The following MACROD2 variants were observed in gnomAD, a reference collection of about 807,000 sequenced individuals.
MACROD2 encodes mono-ADP ribosylhydrolase 2, also known as ADP-ribose glycohydrolase MACROD2.
Under a neutral mutation model 70.4 loss-of-function variants are expected in MACROD2, and 36 were observed. The observed-to-expected ratio is 0.51, with a 90% CI of 0.39 to 0.68. The LOEUF (loss-of-function observed/expected upper bound fraction) is 0.68. Among genes scored for constraint, MACROD2 ranks in the 30% least tolerant of loss-of-function variants. The pLI is 0.00. For synonymous variants in MACROD2, 172 were observed against 178.8 expected (o/e 0.96, Z 0.30); for missense variants, 496 against 538.4 (o/e 0.92, Z 0.78).
intron 7 of MACROD2, among the ~76,000 whole-genome samples, chr20:15,489,898 A>G (rs2047206506): frequency 6.6e-6 from 1 of 152,036 alleles, no homozygotes; most frequent in Admixed American, 6.6e-5. Context: ...TCTCCTGTAA[A>G]ATGGGAGATA....
Position 14,497,851 on chromosome 20 carries a change from A to G in MACROD2, c.301+4343A>G, listed in dbSNP as rs969730917. Among the ~76,000 whole-genome samples, 3 of 151,790 alleles carry G rather than the reference A, an allele frequency of 2.0e-5. 1 individual carries two copies. The highest frequency in any genetic ancestry group is 7.3e-5 in the African/African-American group (3 of 41,038). ...TTCTGTGGCAGGTTAATAGATAAGTACTGTTGTCTAATAAGCAAGTGCTGT... is the reference window on the plus strand; with the variant it reads ...TTCTGTGGCAGGTTAATAGATAAGTGCTGTTGTCTAATAAGCAAGTGCTGT... On this transcript the variant is annotated intron_variant, in intron 4 of 17. Transcript: ENST00000684519.
At chr20:15,471,366 A>C (rs1290597813) in intron 7 of MACROD2, among the ~76,000 whole-genome samples, 2 of 152,218 alleles carry the variant, frequency 1.3e-5, no homozygotes, top group Non-Finnish European at 2.9e-5. Flanking sequence ...GCAGTTCAGG[A>C]AAGAGTACTC....
intron 3 of MACROD2, among the ~76,000 whole-genome samples, chr20:14,226,925 T>G (rs929640616): frequency 1.3e-5 from 2 of 152,210 alleles, no homozygotes; most frequent in Non-Finnish European, 2.9e-5. Flanking sequence ...CATCTCCACC[T>G]GCAGCCCCAG....
At chr20:14,456,839 C>G (rs1270601907) in intron 3 of MACROD2, among the ~76,000 whole-genome samples, 1 of 150,662 alleles carries the variant, frequency 6.6e-6, no homozygotes, top group African/African-American at 2.5e-5. Context: ...GCCTCAGCCT[C>G]CCGAGTAGCT....
At chr20:15,405,167 G>T (rs546211239) in intron 6 of MACROD2, among the ~76,000 whole-genome samples, 42 of 149,740 alleles carry the variant, frequency 2.8e-4, no homozygotes, top group African/African-American at 9.3e-4. Context: ...TGGGTATGGG[G>T]TTTCTTTTTG....
chr20:15,127,170 C>A (rs1160247806), intron 5 of MACROD2, among the ~76,000 whole-genome samples: 1 of 152,040 alleles, frequency 6.6e-6, no homozygotes, highest in Non-Finnish European at 1.5e-5. Context: ...GGTTTCCAAT[C>A]AGGAAATAAC....
At chr20:14,317,206 T>C (rs1327555202) in intron 3 of MACROD2, among the ~76,000 whole-genome samples, 1 of 152,206 alleles carries the variant, frequency 6.6e-6, no homozygotes, top group Non-Finnish European at 1.5e-5. Flanking sequence ...GTCTTAGGCT[T>C]TCTCTTACCA....
chr20:14,151,290 T>C (rs1311545014), intron 3 of MACROD2, among the ~76,000 whole-genome samples: 1 of 151,106 alleles, frequency 6.6e-6, no homozygotes, highest in East Asian at 1.9e-4. Context: ...TGTAAGTTCC[T>C]GACTTGAGGT....
chr20:14,225,058 G>A (rs1348029418), intron 3 of MACROD2, among the ~76,000 whole-genome samples: 1 of 152,204 alleles, frequency 6.6e-6, no homozygotes, highest in Non-Finnish European at 1.5e-5. Context: ...CTTTCAGGTT[G>A]TAGGTCAGAT....
At chr20:15,420,257 A>G (rs894425390) in intron 6 of MACROD2, among the ~76,000 whole-genome samples, 5 of 152,208 alleles carry the variant, frequency 3.3e-5, no homozygotes, top group East Asian at 1.9e-4. Context: ...ATTCATGGCC[A>G]TGTAATAGTT....
chr20:15,291,536 G>A (rs6079733), intron 6 of MACROD2, among the ~76,000 whole-genome samples: 12 of 152,160 alleles, frequency 7.9e-5, no homozygotes, highest in African/African-American at 2.9e-4. Context: ...TTGTAATTAA[G>A]GTCTCATCTG....
chr20:14,708,040 G>T (rs533518368), intron 5 of MACROD2, among the ~76,000 whole-genome samples: 102 of 152,110 alleles, frequency 6.7e-4, no homozygotes, highest in Non-Finnish European at 1.1e-3. Flanking sequence ...TGAGCTCTTT[G>T]TTTCAGTTCT....
At chr20:15,757,553 C>T (rs1019240911) in intron 8 of MACROD2, among the ~76,000 whole-genome samples, 1 of 152,074 alleles carries the variant, frequency 6.6e-6, no homozygotes, top group Non-Finnish European at 1.5e-5. Context: ...TGAATTCTAC[C>T]ATCTACTGTA....
intron 7 of MACROD2, among the ~76,000 whole-genome samples, chr20:15,482,473 T>C (rs2047111161): frequency 6.6e-6 from 1 of 152,228 alleles, no homozygotes; most frequent in South Asian, 2.1e-4. Context: ...GAAACTCTCC[T>C]TCATTGCTGG....
At chr20:14,595,835 A>C (rs1313379040) in intron 4 of MACROD2, among the ~76,000 whole-genome samples, 1 of 152,182 alleles carries the variant, frequency 6.6e-6, no homozygotes, top group Admixed American at 6.5e-5. Flanking sequence ...TATATTGTAT[A>C]CCGGAACCAA....
chr20:14,659,707 G>T (rs1986137062), intron 4 of MACROD2, among the ~76,000 whole-genome samples: 1 of 152,080 alleles, frequency 6.6e-6, no homozygotes, highest in African/African-American at 2.4e-5. Context: ...CAGACATAAA[G>T]AAGTTCTGCT....
At chr20:15,031,931 C>T (rs1273798297) in intron 5 of MACROD2, among the ~76,000 whole-genome samples, 1 of 152,164 alleles carries the variant, frequency 6.6e-6, no homozygotes, top group Non-Finnish European at 1.5e-5. Flanking sequence ...TCCAGGGCAC[C>T]CAGGCTGTTC....
chr20:15,400,204 T>C (rs1387261679), intron 6 of MACROD2, among the ~76,000 whole-genome samples: 1 of 152,256 alleles, frequency 6.6e-6, no homozygotes, highest in African/African-American at 2.4e-5. Flanking sequence ...ATAGATTTTC[T>C]GTAGTGTAGT....
intron 3 of MACROD2, among the ~76,000 whole-genome samples, chr20:14,460,804 G>A (rs1218925265): frequency 1.3e-5 from 2 of 151,990 alleles, no homozygotes; most frequent in Non-Finnish European, 2.9e-5. Context: ...TTTTTGATGT[G>A]TTGCTAATTC....
Sources: gnomAD v4.1 joint callset for allele counts (sites outside exome capture counted in the v4.1 genomes callset) on GRCh38, gnomAD v4.1.1 for gene constraint, MANE v1.5 for transcripts, NCBI Gene and HGNC (gene_info 2026-07-23, HGNC 2026-07-21) for gene names.